The following GHR variants were observed in gnomAD, a reference collection of about 807,000 sequenced individuals.
GHR encodes the protein GH receptor.
A neutral mutation model predicts 67.1 loss-of-function variants in GHR; 35 were observed. The observed-to-expected ratio is 0.52, with a 90% CI of 0.40 to 0.69. The LOEUF is 0.69. Among genes scored for constraint, GHR ranks in the 30% least tolerant of loss-of-function variants. The pLI is 0.00. For missense variants in GHR, 792 were observed against 764.6 expected (o/e 1.04, Z -0.42); for synonymous variants, 272 against 269.1 (o/e 1.01, Z -0.10).
rs150995049 is a variant in GHR at position 42,511,584 on chromosome 5, TTTTG to T, written c.-11-54264_-11-54261del. Among the ~76,000 whole-genome samples the T allele has an allele frequency of 2.7e-3, 405 of 152,350 alleles. 6 individuals carry two copies. The East Asian group carries it at 0.049, about 18-fold the overall frequency. ...TACAAACAGTCCTCTGTTTTTTGTTTTTTGTTTGTTTGTTTGTTTTTTGTTTTTG... is the reference window on the plus strand; with the variant it reads ...TACAAACAGTCCTCTGTTTTTTGTTTTTTGTTTGTTTGTTTTTTGTTTTTG... On this transcript the variant is annotated intron_variant, in intron 1 of 9. Transcript: ENST00000230882.
At position 42,450,405 on chromosome 5, in the gene GHR, G is replaced by A. The variant is rs187340841; in HGVS notation, c.-12+26450G>A. ...CCATCTCCTCTAGATTTTCTAGTTTGTGTGCATATAGGTGTTTATAATAGC... is the reference window on the plus strand; with the variant it reads ...CCATCTCCTCTAGATTTTCTAGTTTATGTGCATATAGGTGTTTATAATAGC... On this transcript the variant is annotated intron_variant, in intron 1 of 9. Coordinates refer to ENST00000230882, the MANE Select transcript of GHR (RefSeq NM_000163.5). Among the ~76,000 whole-genome samples, 10 of 152,174 alleles carry A rather than the reference G, an allele frequency of 6.6e-5. No homozygotes were observed. The East Asian group carries it at 1.5e-3, about 24-fold the overall frequency.
At position 42,640,688 on chromosome 5, in the gene GHR, G is replaced by GA. The variant is rs542839190; in HGVS notation, c.136+11593dup. 1.7e-4 allele frequency among the ~76,000 whole-genome samples: 25 copies of GA among 150,932 alleles called. No homozygotes were observed. In the South Asian group the frequency reaches 2.9e-3, roughly 18 times the overall value. On this transcript the variant is annotated intron_variant, in intron 3 of 9. Transcript: ENST00000230882. ...GAGAAGGCCTATACAGCCAAATTTG[G>GA]AAAAAAAATAAATTTAAAAATAAAT...
chr5:42,468,045 T>G, intron 1 of GHR: 1 of 848,176 alleles, frequency 1.2e-6, no homozygotes, highest in Non-Finnish European at 1.9e-6. Flanking sequence ...GCTTTCTGGA[T>G]TCTTCCTAAT....
At chr5:42,684,939 CTTTTTA>C (rs1476919688) in intron 3 of GHR, among the ~76,000 whole-genome samples, 1 of 151,932 alleles carries the variant, frequency 6.6e-6, no homozygotes, top group African/African-American at 2.4e-5. Flanking sequence ...GCTTATTTTT[CTTTTTA>C]TTATTATTAT....
intron 1 of GHR, among the ~76,000 whole-genome samples, chr5:42,533,978 C>T (rs1277320523): frequency 6.6e-6 from 1 of 151,512 alleles, no homozygotes; most frequent in African/African-American, 2.4e-5. Context: ...AGTCTCCAGT[C>T]TCATCCAAGT....
At chr5:42,666,739 T>C (rs1756002623) in intron 3 of GHR, among the ~76,000 whole-genome samples, 1 of 152,146 alleles carries the variant, frequency 6.6e-6, no homozygotes, top group Middle Eastern at 3.2e-3. Context: ...TTATCAAAAG[T>C]GCAGTATTTC....
Position 42,718,821 on chromosome 5 carries a change from T to C in GHR, c.1314T>C (p.Asp438=), listed in dbSNP as rs1561255846. 1.9e-6 allele frequency: 3 copies of C among 1,614,150 alleles called. No individual in the cohort carries two copies. Among genetic ancestry groups the C allele is most frequent in the Admixed American group, 1.7e-5 (1 of 60,020 alleles). ...QKNQNNSPYH[D]ACPATQQPSV... ...ATCAAAATAACTCACCTTATCATGA[T>C]GCTTGCCCTGCTACTCAGCAGCCCA... The change falls in exon 10 of 10, where the codon GAT becomes GAC. Residue 438 remains aspartate, a synonymous_variant. Transcript: ENST00000230882.
intron 1 of GHR, among the ~76,000 whole-genome samples, chr5:42,482,257 A>C (rs1024445542): frequency 5.3e-5 from 8 of 152,172 alleles, no homozygotes; most frequent in Non-Finnish European, 1.2e-4. Context: ...GTCTCAGAGG[A>C]GTACCCAGCC....
intron 1 of GHR, among the ~76,000 whole-genome samples, chr5:42,515,469 C>G (rs189588301): frequency 1.3e-5 from 2 of 152,178 alleles, no homozygotes; most frequent in South Asian, 4.1e-4. Flanking sequence ...ATGTCATCCA[C>G]ATAGTCTTGG....
chr5:42,530,176 C>A (rs528948776), intron 1 of GHR, among the ~76,000 whole-genome samples: 1 of 152,164 alleles, frequency 6.6e-6, no homozygotes, highest in African/African-American at 2.4e-5. Context: ...TCCTTCACCA[C>A]ACAGTTACCA....
chr5:42,712,500 A>T (rs1489725830), intron 7 of GHR, among the ~76,000 whole-genome samples: 1 of 152,192 alleles, frequency 6.6e-6, no homozygotes, highest in African/African-American at 2.4e-5. Flanking sequence ...AAGACAAAAA[A>T]TGATTTTTTC....
In GHR at chr5:42,495,836, C is replaced by T. The variant is rs35298044; in HGVS notation, c.-11-70028C>T. ...ACAAATGATGTTGAATGTTTCATCT[C>T]TTGCTACAGATTAGTTTTGGGCCAT... On this transcript the variant is annotated intron_variant, in intron 1 of 9. Transcript: ENST00000230882. 1.2e-3 allele frequency among the ~76,000 whole-genome samples: 184 copies of T among 152,268 alleles called. 4 individuals are homozygous for T. In the East Asian group the frequency reaches 0.034, roughly 28 times the overall value.
chr5:42,710,357 G>A (rs1191947772), intron 6 of GHR, among the ~76,000 whole-genome samples: 2 of 138,752 alleles, frequency 1.4e-5, no homozygotes, highest in South Asian at 2.7e-4. Flanking sequence ...CTATAAACAG[G>A]AACAAGGTGT....
intron 2 of GHR, among the ~76,000 whole-genome samples, chr5:42,616,511 CTG>C (rs1233250409): frequency 6.6e-6 from 1 of 151,900 alleles, no homozygotes; most frequent in Admixed American, 6.6e-5. Context: ...CTCGAGAGTT[CTG>C]TGTTAGGATT....
chr5:42,677,264 A>G (rs1756616019), intron 3 of GHR, among the ~76,000 whole-genome samples: 1 of 152,060 alleles, frequency 6.6e-6, no homozygotes, highest in Non-Finnish European at 1.5e-5. Context: ...GCTTTTTGCT[A>G]TGACTTCAGA....
chr5:42,460,711 T>A (rs1379181857), intron 1 of GHR, among the ~76,000 whole-genome samples: 1 of 152,000 alleles, frequency 6.6e-6, no homozygotes, highest in African/African-American at 2.4e-5. Flanking sequence ...AAAAAAAGAG[T>A]GTTTCCTAAT....
Position 42,719,702 on chromosome 5 carries a change from T to C in GHR, c.*278T>C. 2.3e-6 allele frequency: 1 copy of C among 433,962 alleles called. No homozygotes were observed. The highest frequency in any genetic ancestry group is 2.2e-5 in the South Asian group (1 of 46,188). The allele number at this position is 433,962 out of a possible 1,614,324, so 26.9% of individuals were successfully genotyped here. ...TTGTCTTAATATTGTGGGTGTTAATTTTTGATACTAAGCATTGAATGGCTA... is the reference window on the plus strand; with the variant it reads ...TTGTCTTAATATTGTGGGTGTTAATCTTTGATACTAAGCATTGAATGGCTA... On this transcript the variant is annotated 3_prime_UTR_variant, in exon 10 of 10. Coordinates refer to ENST00000230882, the MANE Select transcript of GHR (RefSeq NM_000163.5).
rs542201871 is a variant in GHR, at chr5:42,572,811, T to A, written c.70+6867T>A. On this transcript the variant is annotated intron_variant, in intron 2 of 9. Transcript: ENST00000230882. ...TCATGTCTTAACCACAGGGGAAATG[T>A]TTCAGGATGTTTTTATAGAAACTTT... 7.9e-5 allele frequency among the ~76,000 whole-genome samples: 12 copies of A among 152,274 alleles called. No individual in the cohort carries two copies. In the South Asian group the frequency reaches 2.5e-3, roughly 32 times the overall value.
intron 1 of GHR, among the ~76,000 whole-genome samples, chr5:42,538,514 C>G (rs373740115): frequency 6.6e-6 from 1 of 152,234 alleles, no homozygotes; most frequent in African/African-American, 2.4e-5. Context: ...CCAATCTTAT[C>G]TAGCTTGCAG....
Sources: allele counts gnomAD v4.1 joint callset (sites outside exome capture counted in the v4.1 genomes callset), GRCh38; gene constraint gnomAD v4.1.1; transcripts MANE v1.5; gene names NCBI Gene and HGNC (gene_info 2026-07-23, HGNC 2026-07-21).